Variants in NAF1 observed in about 807,000 individuals in gnomAD.
The protein encoded by NAF1 is H/ACA ribonucleoprotein complex non-core subunit NAF1.
NAF1 carries 11 observed loss-of-function variants against 40.6 expected under a neutral mutation model. The observed-to-expected ratio is 0.27, with a 90% CI of 0.17 to 0.45. The LOEUF (loss-of-function observed/expected upper bound fraction) is 0.45, where lower values mean the gene tolerates loss of function less well. NAF1 is among the 20% of genes least tolerant of loss of function. The pLI, the probability that NAF1 is intolerant of heterozygous loss-of-function variation, is 1.00. For missense variants in NAF1, 607 were observed against 611.1 expected (o/e 0.99, Z 0.07); for synonymous variants, 260 against 228.5 (o/e 1.14, Z -1.24).
At chr4:163,115,002 G>C (rs1283852249) in intron 2 of NAF1, among the ~76,000 whole-genome samples, 1 of 151,792 alleles carries the variant, frequency 6.6e-6, no homozygotes, top group South Asian at 2.1e-4. Context: ...TTGGCATAAA[G>C]TTATTCATAA....
At chr4:163,141,886 C>CCT in intron 4 of NAF1, 1 of 910,530 alleles carries the variant, frequency 1.1e-6, no homozygotes, top group Non-Finnish European at 1.3e-6. Context: ...TTCAGTACAG[C>CCT]ACTGAATCTT....
downstream of NAF1, among the ~76,000 whole-genome samples, chr4:163,124,148 G>A (rs1421556434): frequency 1.3e-5 from 2 of 152,228 alleles, no homozygotes; most frequent in East Asian, 3.8e-4. Flanking sequence ...TTGAGGCCAG[G>A]TGTCCGAGGG....
intron 2 of NAF1, chr4:163,156,846 A>G (rs528024503): frequency 2.6e-5 from 4 of 152,280 alleles, no homozygotes; most frequent in Admixed American, 2.0e-4. Context: ...TTAAAATGCA[A>G]CTAAAAGCCT....
chr4:163,132,810 A>C (rs1041469659), intron 7 of NAF1, among the ~76,000 whole-genome samples: 1 of 152,246 alleles, frequency 6.6e-6, no homozygotes, highest in Non-Finnish European at 1.5e-5. Context: ...ATTTTCAAAA[A>C]AGGTAAAGGG....
chr4:163,156,310 G>C (rs1167911546), intron 2 of NAF1, among the ~76,000 whole-genome samples: 4 of 122,564 alleles, frequency 3.3e-5, no homozygotes, highest in Admixed American at 8.4e-5. Context: ...GCCTGGGATA[G>C]AAAGACCTTC....
At chr4:163,123,200 G>A (rs1334745750), downstream of NAF1, among the ~76,000 whole-genome samples, 1 of 152,134 alleles carries the variant, frequency 6.6e-6, no homozygotes, top group African/African-American at 2.4e-5. Flanking sequence ...AGCAAGAGAG[G>A]TGCCATGCTC....
chr4:163,125,299 A>G (rs1307929069), downstream of NAF1, among the ~76,000 whole-genome samples: 1 of 152,272 alleles, frequency 6.6e-6, no homozygotes, highest in African/African-American at 2.4e-5. Context: ...GCATGTTGAC[A>G]GCTGAGGCAA....
intron 4 of NAF1, among the ~76,000 whole-genome samples, 169 bp from the exon 5 acceptor site, chr4:163,140,552 C>G (rs889357602): frequency 6.6e-6 from 1 of 152,102 alleles, no homozygotes; most frequent in East Asian, 1.9e-4. Flanking sequence ...TTTACATATT[C>G]AGTCTTCATA....
chr4:163,131,021 C>T (rs1030178341), intron 7 of NAF1, among the ~76,000 whole-genome samples: 6 of 152,220 alleles, frequency 3.9e-5, no homozygotes, highest in South Asian at 4.1e-4. Flanking sequence ...AGTAGGAATG[C>T]GCCACCATGC....
At chr4:163,112,410 T>C (rs865810235) in intron 2 of NAF1, among the ~76,000 whole-genome samples, 1 of 152,168 alleles carries the variant, frequency 6.6e-6, no homozygotes, top group Non-Finnish European at 1.5e-5. Context: ...ATTGGAATAC[T>C]GAACATGTGT....
chr4:163,157,277 ATTC>A (rs1343640078), intron 2 of NAF1: 2 of 152,098 alleles, frequency 1.3e-5, no homozygotes, highest in Non-Finnish European at 2.9e-5. Context: ...CTACATGATT[ATTC>A]AGAAACCAAA....
chr4:163,128,973 GGGGGTA>G lies in NAF1; in HGVS notation c.1403_1408del (p.Leu468_Pro469del). ...AGGCAGTGGTGGAGGGGGAGGGGGTGGGGGTAGGGAGTATGGTAAGTTAAGTAATGG... is the reference window on the plus strand; with the variant it reads ...AGGCAGTGGTGGAGGGGGAGGGGGTGGGGAGTATGGTAAGTTAAGTAATGG... On this transcript the variant is annotated inframe_deletion, in exon 8 of 8. Coordinates refer to ENST00000274054, the MANE Select transcript of NAF1 (RefSeq NM_138386.3). 6.8e-7 allele frequency: 1 copy of G among 1,479,426 alleles called. No individual in the cohort carries two copies. The highest frequency in any genetic ancestry group is 1.2e-5 in the South Asian group (1 of 82,784). The allele number at this position is 1,479,426 out of a possible 1,614,324, so 91.6% of individuals were successfully genotyped here. A position where few individuals can be genotyped will look rare whatever the true frequency, so the allele number is the denominator to read the frequency against.
downstream of NAF1, chr4:163,126,745 T>C (rs746586035): frequency 9.2e-6 from 3 of 326,096 alleles, no homozygotes; most frequent in Non-Finnish European, 1.6e-5. Context: ...ACAGAAATCT[T>C]TGGTGAAAGG....
downstream of NAF1, among the ~76,000 whole-genome samples, chr4:163,106,397 T>A (rs1730049649): frequency 1.3e-5 from 2 of 152,216 alleles, no homozygotes; most frequent in African/African-American, 4.8e-5. Context: ...AATACTTCAG[T>A]CCCACTGCTA....
At chr4:163,122,888 T>C (rs1446628788), downstream of NAF1, among the ~76,000 whole-genome samples, 2 of 152,238 alleles carry the variant, frequency 1.3e-5, no homozygotes, top group African/African-American at 4.8e-5. Flanking sequence ...CTGTTCATTA[T>C]ACATTACCCA....
intron 4 of NAF1, among the ~76,000 whole-genome samples, chr4:163,142,392 G>T (rs181420547): frequency 3.0e-4 from 46 of 152,194 alleles, no homozygotes; most frequent in African/African-American, 1.1e-3. Flanking sequence ...TGTTTCCCAG[G>T]GATTTGTTTC....
intron 2 of NAF1, among the ~76,000 whole-genome samples, chr4:163,151,207 CTA>C (rs1731688428): frequency 6.6e-6 from 1 of 151,798 alleles, no homozygotes; most frequent in Non-Finnish European, 1.5e-5. Flanking sequence ...GCTAAAGAAA[CTA>C]AACAATTTCA....
chr4:163,163,405 C>T (rs1334740962), intron 2 of NAF1, among the ~76,000 whole-genome samples: 1 of 152,026 alleles, frequency 6.6e-6, no homozygotes, highest in African/African-American at 2.4e-5. Context: ...ATTAAACTAT[C>T]TCATCAATTT....
chr4:163,139,168 T>C (rs1446356379), intron 5 of NAF1, among the ~76,000 whole-genome samples: 1 of 152,138 alleles, frequency 6.6e-6, no homozygotes, highest in Non-Finnish European at 1.5e-5. Context: ...TCTTATGCCA[T>C]GCAACTGGGG....
Sources: allele counts gnomAD v4.1 joint callset (sites outside exome capture counted in the v4.1 genomes callset), GRCh38; gene constraint gnomAD v4.1.1; transcripts MANE v1.5; gene names NCBI Gene and HGNC (gene_info 2026-07-23, HGNC 2026-07-21).